RANBP17: variants seen among roughly 807,000 people sequenced by gnomAD.
RANBP17 encodes ran-binding protein 17.
Under a neutral mutation model 141.2 loss-of-function variants are expected in RANBP17, and 158 were observed. The observed-to-expected ratio is 1.12, with a 90% confidence interval of 0.98 to 1.28. The LOEUF is 1.28. Ranked by LOEUF, RANBP17 falls within the 50% of genes most tolerant of loss-of-function variation. RANBP17 has a pLI of 0.00. For missense variants in RANBP17, 1,438 were observed against 1,290.7 expected (o/e 1.11, Z -1.75); for synonymous variants, 430 against 450.0 (o/e 0.96, Z 0.56).
intron 14 of RANBP17, among the ~76,000 whole-genome samples, chr5:170,971,855 T>C (rs1581273555): frequency 6.6e-6 from 1 of 152,292 alleles, no homozygotes; most frequent in East Asian, 1.9e-4. Context: ...CACTCCACTC[T>C]ATTTTCCATA....
intron 25 of RANBP17, among the ~76,000 whole-genome samples, chr5:171,267,006 C>G (rs544407323): frequency 6.7e-6 from 1 of 149,436 alleles, no homozygotes; most frequent in Non-Finnish European, 1.5e-5. Context: ...TATGGCTATA[C>G]CATCACTATA....
chr5:171,093,034 G>C (rs1786418949), intron 14 of RANBP17, among the ~76,000 whole-genome samples: 1 of 152,188 alleles, frequency 6.6e-6, no homozygotes, highest in Non-Finnish European at 1.5e-5. Context: ...TTTTCTACCA[G>C]CATCTAAGTC....
chr5:171,271,363 G>T lies in RANBP17; in HGVS notation c.2943+5516G>T, dbSNP rs574785646. 2.4e-5 allele frequency: 5 copies of T among 211,346 alleles called. No individual in the cohort carries two copies. The East Asian group carries it at 3.5e-4, about 15-fold the overall frequency. 13.1% of individuals were successfully genotyped at this position (211,346 alleles called of 1,614,324 possible). A position where few individuals can be genotyped will look rare whatever the true frequency, so the allele number is the denominator to read the frequency against. ...CTGAAATGATATTGCTCAACATTTTGACATACTAACCAAGACATCTTTCAT... is the reference window on the plus strand; with the variant it reads ...CTGAAATGATATTGCTCAACATTTTTACATACTAACCAAGACATCTTTCAT... On this transcript the variant is annotated intron_variant, in intron 25 of 27. Coordinates refer to ENST00000523189, the MANE Select transcript of RANBP17 (RefSeq NM_022897.5).
At chr5:171,270,714 G>A (rs757954191) in intron 25 of RANBP17, among the ~76,000 whole-genome samples, 2 of 152,062 alleles carry the variant, frequency 1.3e-5, no homozygotes, top group Non-Finnish European at 2.9e-5. Flanking sequence ...AATTAGAGGG[G>A]CATCTCAGAG....
chr5:170,876,022 G>C (rs1437416826), intron 1 of RANBP17, among the ~76,000 whole-genome samples: 2 of 152,198 alleles, frequency 1.3e-5, no homozygotes, highest in Non-Finnish European at 2.9e-5. Context: ...GCTGTGGTTT[G>C]CTGAGAGTTC....
chr5:171,228,551 T>A (rs1764016624), intron 22 of RANBP17, among the ~76,000 whole-genome samples: 2 of 152,094 alleles, frequency 1.3e-5, no homozygotes, highest in African/African-American at 2.4e-5. Flanking sequence ...GGCAGCAGAG[T>A]TTGAGAGGAT....
chr5:171,295,365 G>C (rs143704741), intron 26 of RANBP17, among the ~76,000 whole-genome samples: 1 of 152,198 alleles, frequency 6.6e-6, no homozygotes, highest in Non-Finnish European at 1.5e-5. Context: ...CCCCACCTCA[G>C]AGGAGTAAAC....
intron 24 of RANBP17, among the ~76,000 whole-genome samples, chr5:171,258,690 A>G (rs1766086031): frequency 6.6e-6 from 1 of 152,178 alleles, no homozygotes; most frequent in African/African-American, 2.4e-5. Flanking sequence ...ATGCAGAAGA[A>G]TGAAACTGGA....
At chr5:171,261,090 C>CCAAAAAAAAAAAAAAA (rs1554125343) in intron 24 of RANBP17, among the ~76,000 whole-genome samples, 2 of 68,488 alleles carry the variant, frequency 2.9e-5, no homozygotes, top group Non-Finnish European at 2.5e-5. Flanking sequence ...CCACCCCCCC[C>CCAAAAAAAAAAAAAAA]AAAAAAAAAA....
At chr5:170,928,586 C>A (rs1054943491) in intron 12 of RANBP17, among the ~76,000 whole-genome samples, 1 of 151,924 alleles carries the variant, frequency 6.6e-6, no homozygotes, top group Non-Finnish European at 1.5e-5. Context: ...ATATCTTTCT[C>A]CCCCATTGAA....
intron 14 of RANBP17, among the ~76,000 whole-genome samples, chr5:170,997,249 C>T (rs1178064237): frequency 6.6e-6 from 1 of 152,194 alleles, no homozygotes; most frequent in Non-Finnish European, 1.5e-5. Context: ...GTCAATTAAA[C>T]CTCTCTCCTT....
At chr5:171,236,441 A>G (rs1764552024) in intron 22 of RANBP17, among the ~76,000 whole-genome samples, 1 of 152,224 alleles carries the variant, frequency 6.6e-6, no homozygotes, top group Non-Finnish European at 1.5e-5. Flanking sequence ...AGCAAATAGC[A>G]AAACTGTAAT....
At chr5:170,897,730 G>A (rs552931342) in intron 5 of RANBP17, among the ~76,000 whole-genome samples, 2 of 152,222 alleles carry the variant, frequency 1.3e-5, no homozygotes, top group South Asian at 4.2e-4. Flanking sequence ...CCCTGTGAAG[G>A]ATATGAACTC....
At chr5:171,165,112 T>C (rs1381708720) in intron 14 of RANBP17, among the ~76,000 whole-genome samples, 1 of 152,226 alleles carries the variant, frequency 6.6e-6, no homozygotes, top group Non-Finnish European at 1.5e-5. Context: ...GTTGAGTAAC[T>C]ATTAAATGTC....
intron 14 of RANBP17, among the ~76,000 whole-genome samples, chr5:171,160,607 G>A (rs541846340): frequency 1.3e-5 from 2 of 152,166 alleles, no homozygotes; most frequent in South Asian, 4.2e-4. Flanking sequence ...CTAGTCTTGG[G>A]CTTCAGAATC....
intron 5 of RANBP17, chr5:170,904,294 A>G (rs984599432): frequency 7.7e-5 from 20 of 258,888 alleles, no homozygotes; most frequent in African/African-American, 3.9e-4. Context: ...TCTACAAGAA[A>G]AAAGCTCACC....
intron 14 of RANBP17, among the ~76,000 whole-genome samples, chr5:171,070,625 T>C (rs757538196): frequency 8.5e-5 from 13 of 152,102 alleles, no homozygotes; most frequent in Non-Finnish European, 1.6e-4. Context: ...AGCAGGTCAA[T>C]GTTAGAAGAA....
intron 22 of RANBP17, among the ~76,000 whole-genome samples, chr5:171,231,364 T>C (rs951440911): frequency 1.3e-5 from 2 of 152,196 alleles, no homozygotes; most frequent in Non-Finnish European, 2.9e-5. Flanking sequence ...ATTTATATTA[T>C]CACACAAAGA....
At chr5:171,266,336 A>T (rs1766676813) in intron 25 of RANBP17, among the ~76,000 whole-genome samples, 1 of 152,188 alleles carries the variant, frequency 6.6e-6, no homozygotes, top group South Asian at 2.1e-4. Context: ...CTTGGTTCAG[A>T]TAGGTTAGGT....
Sources: gnomAD v4.1 joint callset for allele counts (sites outside exome capture counted in the v4.1 genomes callset) on GRCh38, gnomAD v4.1.1 for gene constraint, MANE v1.5 for transcripts, NCBI Gene and HGNC (gene_info 2026-07-23, HGNC 2026-07-21) for gene names.